Variants in TFAP2D observed in about 807,000 individuals in gnomAD.
TFAP2D encodes the protein transcription factor AP-2 delta.
Under a neutral mutation model 43.6 loss-of-function variants are expected in TFAP2D, and 9 were observed. The observed-to-expected ratio is 0.21, with a 90% CI of 0.12 to 0.36. TFAP2D has a LOEUF of 0.36. TFAP2D is among the 10% of genes least tolerant of loss of function. The pLI is 1.00. For missense variants in TFAP2D, 513 were observed against 561.4 expected (o/e 0.91, Z 0.87); for synonymous variants, 256 against 224.9 (o/e 1.14, Z -1.24).
intron 5 of TFAP2D, among the ~76,000 whole-genome samples, chr6:50,741,197 G>C (rs899241546): frequency 1.3e-5 from 2 of 151,926 alleles, no homozygotes; most frequent in African/African-American, 4.8e-5. Flanking sequence ...GGGTTACTAC[G>C]TGGCACATAC....
intron 3 of TFAP2D, among the ~76,000 whole-genome samples, chr6:50,720,528 CA>C (rs1768703568): frequency 2.9e-5 from 4 of 136,552 alleles, no homozygotes; most frequent in Admixed American, 1.4e-4. Context: ...CACACACACA[CA>C]CACACACACA....
chr6:50,719,027 A>G (rs1768671996), intron 2 of TFAP2D, 63 bp from the exon 3 acceptor site: 1 of 1,506,920 alleles, frequency 6.6e-7, no homozygotes, highest in South Asian at 1.2e-5. Context: ...AAAAGACTTT[A>G]CCTACGTGGT....
Position 50,729,212 on chromosome 6 carries a change from G to C in TFAP2D, c.783G>C (p.Gly261=). 6.2e-7 allele frequency: 1 copy of C among 1,613,892 alleles called. No homozygotes were observed. The highest frequency in any genetic ancestry group is 8.5e-7 in the Non-Finnish European group (1 of 1,179,838). ...TGTACAGAGCAAAATCAAAGAATGGGGGCCGCTGCCTGAGAGAGAAATTGG... is the reference window on the plus strand; with the variant it reads ...TGTACAGAGCAAAATCAAAGAATGGCGGCCGCTGCCTGAGAGAGAAATTGG... ...GILRRAKSKN[G]GRCLREKLDR... The change falls in exon 5 of 8, where the codon GGG becomes GGC. Residue 261 remains glycine (G), a synonymous_variant. Coordinates refer to ENST00000008391, the MANE Select transcript of TFAP2D (RefSeq NM_172238.4).
rs551915225 is a variant in TFAP2D at position 50,749,514 on chromosome 6, C to T, written c.1026-1697C>T. On this transcript the variant is annotated intron_variant, in intron 6 of 7. Transcript: ENST00000008391. ...TTGTAAGAATGGATCGTAATGATGA[C>T]CTACCATACAGTAATTTGGAAATGA... Among the ~76,000 whole-genome samples, 7 of 151,834 alleles carry T rather than the reference C, an allele frequency of 4.6e-5. 2 individuals are homozygous for T. In the East Asian group the frequency reaches 1.4e-3, roughly 29 times the overall value.
chr6:50,755,429 T>TAAAAAAA (rs35437406), intron 7 of TFAP2D, among the ~76,000 whole-genome samples: 1 of 141,446 alleles, frequency 7.1e-6, no homozygotes. Context: ...CTTGAAACTG[T>TAAAAAAA]AAAAAAAAAA....
intron 3 of TFAP2D, among the ~76,000 whole-genome samples, chr6:50,724,377 G>C (rs1388332482): frequency 6.6e-6 from 1 of 152,162 alleles, no homozygotes; most frequent in Non-Finnish European, 1.5e-5. Flanking sequence ...CATCTGTTTG[G>C]CTGTAAGGCG....
At chr6:50,762,103 A>G (rs1398208802) in intron 7 of TFAP2D, among the ~76,000 whole-genome samples, 1 of 152,054 alleles carries the variant, frequency 6.6e-6, no homozygotes, top group Non-Finnish European at 1.5e-5. Context: ...AAAAAGAAGA[A>G]AGGATTAAAG....
At chr6:50,717,394 T>C (rs890091860) in intron 2 of TFAP2D, among the ~76,000 whole-genome samples, 3 of 152,232 alleles carry the variant, frequency 2.0e-5, no homozygotes, top group Non-Finnish European at 4.4e-5. Context: ...TCGTTTCTTC[T>C]AAGAAAATAA....
intron 5 of TFAP2D, among the ~76,000 whole-genome samples, chr6:50,743,250 G>A (rs1185637213): frequency 3.3e-5 from 5 of 151,984 alleles, no homozygotes; most frequent in African/African-American, 4.8e-5. Context: ...AACATTAACC[G>A]CACTAATATG....
chr6:50,762,757 G>C (rs1001495437), intron 7 of TFAP2D, among the ~76,000 whole-genome samples: 7 of 152,080 alleles, frequency 4.6e-5, no homozygotes, highest in Non-Finnish European at 8.8e-5. Flanking sequence ...GCAGGTGATG[G>C]TATTGTTCAC....
chr6:50,749,692 T>C (rs1581772436), intron 6 of TFAP2D, among the ~76,000 whole-genome samples: 1 of 152,018 alleles, frequency 6.6e-6, no homozygotes, highest in Middle Eastern at 3.4e-3. Context: ...GATTAAAATA[T>C]GGGCAATACA....
intron 7 of TFAP2D, among the ~76,000 whole-genome samples, chr6:50,763,773 T>C (rs551909786): frequency 6.6e-6 from 1 of 152,202 alleles, no homozygotes; most frequent in East Asian, 1.9e-4. Flanking sequence ...GACTTCATGA[T>C]TCAGTTTATA....
chr6:50,733,173 G>A (rs1192201072), intron 5 of TFAP2D, among the ~76,000 whole-genome samples: 1 of 151,982 alleles, frequency 6.6e-6, no homozygotes, highest in Non-Finnish European at 1.5e-5. Context: ...GGGGATTTTG[G>A]GGGGTCTACA....
intron 7 of TFAP2D, among the ~76,000 whole-genome samples, chr6:50,757,463 A>AC (rs1561940209): frequency 2.9e-4 from 32 of 109,110 alleles, no homozygotes; most frequent in Non-Finnish European, 4.2e-4. Flanking sequence ...ATATATATAT[A>AC]ATATATATAA....
In TFAP2D at chr6:50,745,248, A is replaced by C. The variant is rs757005926; in HGVS notation, c.1025A>C (p.Lys342Thr). The C allele has an allele frequency of 3.7e-6, 6 of 1,613,472 alleles. No individual in the cohort carries two copies. The highest frequency in any genetic ancestry group is 5.1e-6 in the Non-Finnish European group (6 of 1,179,640). Residue 342 changes from lysine (K) to threonine (T), a missense_variant and splice_region_variant, in exon 6 of 8, where the codon AAA becomes ACA. Around this residue, in one of 3 missense-constraint regions of TFAP2D, gnomAD observed 199 missense variants for 227.9 expected, o/e 0.87. Coordinates refer to ENST00000008391, the MANE Select transcript of TFAP2D (RefSeq NM_172238.4). The part of the protein sequence containing the change: ...TARKKMILAT[K>T]QICKEFQDLL... ...AGAAAAAAGATGATCCTGGCGACCA[A>C]GTAAGCAGAATGGGGAAACCTCTGT...
intron 5 of TFAP2D, among the ~76,000 whole-genome samples, chr6:50,735,845 T>C (rs1033118744): frequency 6.6e-6 from 1 of 152,170 alleles, no homozygotes; most frequent in Non-Finnish European, 1.5e-5. Context: ...ATGTGATTAT[T>C]CTGTGACTTT....
chr6:50,731,135 G>C (rs1768886808), intron 5 of TFAP2D, among the ~76,000 whole-genome samples: 1 of 151,994 alleles, frequency 6.6e-6, no homozygotes, highest in African/African-American at 2.4e-5. Context: ...ATGATCTCTG[G>C]AGTCTTGCCA....
intron 7 of TFAP2D, among the ~76,000 whole-genome samples, chr6:50,759,909 T>A (rs1449112981): frequency 6.6e-6 from 1 of 151,976 alleles, no homozygotes; most frequent in African/African-American, 2.4e-5. Flanking sequence ...CATCTCCCAA[T>A]CTGACAGAGA....
chr6:50,747,737 G>A (rs1264578992), intron 6 of TFAP2D, among the ~76,000 whole-genome samples: 1 of 152,032 alleles, frequency 6.6e-6, no homozygotes, highest in Non-Finnish European at 1.5e-5. Flanking sequence ...AGAATTTGCG[G>A]GAGAAATGCT....
Sources: allele counts gnomAD v4.1 joint callset (sites outside exome capture counted in the v4.1 genomes callset), GRCh38; gene constraint gnomAD v4.1.1; regional missense constraint gnomAD v4.1.1; transcripts MANE v1.5; gene names NCBI Gene and HGNC (gene_info 2026-07-23, HGNC 2026-07-21).